CSMD1: variants seen among roughly 807,000 people sequenced by gnomAD.
CSMD1 encodes the protein CUB and Sushi multiple domains 1.
Under a neutral mutation model 417.5 loss-of-function variants are expected in CSMD1, and 213 were observed. The ratio of observed to expected loss-of-function variants is 0.51; its 90% confidence interval spans 0.46 to 0.57. The LOEUF (loss-of-function observed/expected upper bound fraction) is 0.57. Ranked by LOEUF, CSMD1 falls within the 20% of genes least tolerant of loss-of-function variation. The pLI, the probability that CSMD1 is intolerant of heterozygous loss-of-function variation, is 0.00. For missense variants in CSMD1, 6,923 were observed against 4,529.7 expected (o/e 1.53, Z -15.17); for synonymous variants, 2,862 against 1,736.8 (o/e 1.65, Z -16.11).
rs184417085 is a variant in CSMD1 at position 3,277,678 on chromosome 8, T to A, written c.4153+6466A>T. Reference sequence around the variant, plus strand: ...ACAAGGACTGTGGTTGAGTTTCAGGTGTTGAGTTGCCTCTCTGCATCTCTG... The same window carrying A: ...ACAAGGACTGTGGTTGAGTTTCAGGAGTTGAGTTGCCTCTCTGCATCTCTG... On this transcript the variant is annotated intron_variant, in intron 26 of 69. Transcript: ENST00000635120. 1.2e-3 allele frequency among the ~76,000 whole-genome samples: 179 copies of A among 152,178 alleles called. 2 individuals are homozygous for A. In the Middle Eastern group the frequency reaches 0.044, roughly 38 times the overall value.
At chr8:4,078,618 T>G (rs903284676) in intron 3 of CSMD1, among the ~76,000 whole-genome samples, 2 of 151,718 alleles carry the variant, frequency 1.3e-5, no homozygotes, top group African/African-American at 2.4e-5. Context: ...TTTTTTTTTT[T>G]TTTAGTTTTT....
At chr8:4,594,535 A>T (rs1002614713) in intron 2 of CSMD1, among the ~76,000 whole-genome samples, 3 of 152,026 alleles carry the variant, frequency 2.0e-5, no homozygotes, top group Admixed American at 6.6e-5. Context: ...TCACATTCTG[A>T]GTTATTGGGA....
intron 1 of CSMD1, among the ~76,000 whole-genome samples, chr8:4,774,685 G>A (rs558592267): frequency 6.6e-6 from 1 of 152,210 alleles, no homozygotes; most frequent in African/African-American, 2.4e-5. Context: ...AGAAGTATTG[G>A]CTCATGGGGG....
At chr8:3,043,059 T>C (rs1250069213) in intron 50 of CSMD1, among the ~76,000 whole-genome samples, 1 of 151,128 alleles carries the variant, frequency 6.6e-6, no homozygotes, top group Non-Finnish European at 1.5e-5. Flanking sequence ...TATATGTATA[T>C]ATAGTACTAT....
intron 10 of CSMD1, among the ~76,000 whole-genome samples, chr8:3,551,963 G>T (rs558107811): frequency 6.6e-6 from 1 of 152,170 alleles, no homozygotes; most frequent in Non-Finnish European, 1.5e-5. Context: ...CACTGTGGGA[G>T]CTGAGGACTG....
rs114872756 is a variant in CSMD1, at chr8:4,343,489, G to A, written c.415+76464C>T. ...TTAGCTTGATCATGGTGATGTACAT[G>A]CGTACATGATTCACAATGCATATCA... On this transcript the variant is annotated intron_variant, in intron 3 of 69. Coordinates refer to ENST00000635120, the MANE Select transcript of CSMD1 (RefSeq NM_033225.6). Among the ~76,000 whole-genome samples the A allele has an allele frequency of 9.4e-3, 1,430 of 152,162 alleles. 13 individuals are homozygous for A. The highest frequency in any genetic ancestry group is 0.033 in the African/African-American group (1,360 of 41,530).
chr8:3,430,369 C>G (rs1396934939), intron 12 of CSMD1, among the ~76,000 whole-genome samples: 1 of 151,914 alleles, frequency 6.6e-6, no homozygotes, highest in Non-Finnish European at 1.5e-5. Flanking sequence ...ATTATAAACA[C>G]CATGAGAGTG....
intron 12 of CSMD1, among the ~76,000 whole-genome samples, chr8:3,429,158 A>G (rs577745091): frequency 3.3e-5 from 5 of 152,292 alleles, no homozygotes; most frequent in African/African-American, 7.2e-5. Context: ...TGCATGGTAT[A>G]TTTCAAAATA....
chr8:3,942,098 C>G (rs1417577130), intron 5 of CSMD1, among the ~76,000 whole-genome samples: 1 of 151,854 alleles, frequency 6.6e-6, no homozygotes, highest in Non-Finnish European at 1.5e-5. Flanking sequence ...TTGTGAGAAT[C>G]TAATGCCTGA....
At chr8:3,387,998 A>G (rs1344701539) in intron 17 of CSMD1, among the ~76,000 whole-genome samples, 1 of 152,216 alleles carries the variant, frequency 6.6e-6, no homozygotes, top group African/African-American at 2.4e-5. Context: ...ATAAAGTCTA[A>G]GACTTTTCCT....
chr8:4,961,008 T>G (rs1809442075), intron 1 of CSMD1, among the ~76,000 whole-genome samples: 1 of 152,116 alleles, frequency 6.6e-6, no homozygotes, highest in African/African-American at 2.4e-5. Flanking sequence ...AGATGAGCAT[T>G]TTACTCTCTT....
At chr8:4,822,107 A>C (rs752320273) in intron 1 of CSMD1, among the ~76,000 whole-genome samples, 2 of 151,990 alleles carry the variant, frequency 1.3e-5, no homozygotes, top group Admixed American at 1.3e-4. Flanking sequence ...CAGAACATTC[A>C]CATGCTTCCT....
At chr8:3,603,986 G>C (rs1480860076) in intron 8 of CSMD1, among the ~76,000 whole-genome samples, 2 of 152,238 alleles carry the variant, frequency 1.3e-5, no homozygotes, top group Admixed American at 1.3e-4. Flanking sequence ...TGAAAATTTT[G>C]CATACTGAAT....
chr8:3,045,829 CT>C (rs1456586963), intron 50 of CSMD1, among the ~76,000 whole-genome samples: 1 of 152,114 alleles, frequency 6.6e-6, no homozygotes, highest in African/African-American at 2.4e-5. Context: ...TTTGGTTTTC[CT>C]CTATACAATA....
At position 4,303,463 on chromosome 8, in the gene CSMD1, T is replaced by C; in HGVS notation, c.415+116490A>G. Among the ~76,000 whole-genome samples, 2 of 102,620 alleles carry C rather than the reference T, an allele frequency of 1.9e-5. 1 individual carries two copies. The highest frequency in any genetic ancestry group is 6.9e-4 in the East Asian group (2 of 2,888). The allele number at this position is 102,620 out of a possible 152,430, so 67.3% of individuals were successfully genotyped here. On this transcript the variant is annotated intron_variant, in intron 3 of 69. Transcript: ENST00000635120. ...TTTTTTTTTTTTTTTTTTTGAGTTCTCTGTGCTGAGCTCATGTTGATTTTC... is the reference window on the plus strand; with the variant it reads ...TTTTTTTTTTTTTTTTTTTGAGTTCCCTGTGCTGAGCTCATGTTGATTTTC...
chr8:4,889,993 C>A (rs978613116), intron 1 of CSMD1, among the ~76,000 whole-genome samples: 1 of 152,108 alleles, frequency 6.6e-6, no homozygotes, highest in Non-Finnish European at 1.5e-5. Context: ...AAATATATGA[C>A]TTCAGGTATC....
intron 3 of CSMD1, among the ~76,000 whole-genome samples, chr8:4,124,697 A>C (rs1802666324): frequency 1.3e-5 from 2 of 152,290 alleles, no homozygotes; most frequent in African/African-American, 4.8e-5. Flanking sequence ...GTCAATAGGG[A>C]CTTCCCTAAG....
chr8:4,539,234 C>G (rs749753177), intron 2 of CSMD1, among the ~76,000 whole-genome samples: 1 of 152,146 alleles, frequency 6.6e-6, no homozygotes, highest in Non-Finnish European at 1.5e-5. Flanking sequence ...TCAGCAGACA[C>G]TAAATATTGC....
rs149042173 is a variant in CSMD1, at chr8:3,712,270, G to A, written c.932-3779C>T. Among the ~76,000 whole-genome samples, 164 of 152,120 alleles carry A rather than the reference G, an allele frequency of 1.1e-3. 3 individuals carry two copies. The East Asian group carries it at 0.026, about 25-fold the overall frequency. On this transcript the variant is annotated intron_variant, in intron 6 of 69. Transcript: ENST00000635120. ...GGTGTCTGGACACTTCTCCCCACAC[G>A]TTTTTTGGGTTCTCCTCTTTTCTTC...
Sources: gnomAD v4.1 joint callset for allele counts (sites outside exome capture counted in the v4.1 genomes callset) on GRCh38, gnomAD v4.1.1 for gene constraint, MANE v1.5 for transcripts, NCBI Gene and HGNC (gene_info 2026-07-23, HGNC 2026-07-21) for gene names.